The following FHIT variants were observed in gnomAD, a reference collection of about 807,000 sequenced individuals.
The protein encoded by FHIT is bis(5'-adenosyl)-triphosphatase.
In FHIT, 19 loss-of-function variants were observed where a neutral mutation model predicts 17.9. The observed-to-expected ratio is 1.06, with a 90% CI of 0.74 to 1.56. The LOEUF (loss-of-function observed/expected upper bound fraction) is 1.56. Among genes scored for constraint, FHIT ranks in the 40% most tolerant of loss-of-function variants. The pLI is 0.00. For synonymous variants in FHIT, 81 were observed against 69.7 expected (o/e 1.16, Z -0.81); for missense variants, 248 against 189.2 (o/e 1.31, Z -1.82).
chr3:60,452,806 G>C (rs1477498456), intron 5 of FHIT, among the ~76,000 whole-genome samples: 1 of 151,932 alleles, frequency 6.6e-6, no homozygotes, highest in Non-Finnish European at 1.5e-5. Context: ...ATTTTTCCAG[G>C]TTATATTACT....
At chr3:60,287,944 C>A (rs890941046) in intron 5 of FHIT, among the ~76,000 whole-genome samples, 1 of 151,452 alleles carries the variant, frequency 6.6e-6, no homozygotes, top group African/African-American at 2.4e-5. Context: ...GGGCTTCAAA[C>A]CACCATAAAT....
At chr3:60,691,125 G>C (rs1199474068) in intron 4 of FHIT, among the ~76,000 whole-genome samples, 10 of 148,776 alleles carry the variant, frequency 6.7e-5, no homozygotes, top group Non-Finnish European at 1.5e-4. Flanking sequence ...TTGTTTTTTG[G>C]TATCGGGTTT....
chr3:60,597,644 C>T (rs571178024), intron 4 of FHIT, among the ~76,000 whole-genome samples: 1 of 152,230 alleles, frequency 6.6e-6, no homozygotes, highest in African/African-American at 2.4e-5. Context: ...AAGGAAATGT[C>T]AGGGAATTAA....
chr3:60,399,647 G>C (rs1234703461), intron 5 of FHIT, among the ~76,000 whole-genome samples: 1 of 152,052 alleles, frequency 6.6e-6, no homozygotes, highest in Non-Finnish European at 1.5e-5. Context: ...CTTTTTCTAG[G>C]AAAATGATTA....
rs1212139977 is a variant in FHIT, at chr3:59,930,890, C to T, written c.280-8476G>A. On this transcript the variant is annotated intron_variant, in intron 7 of 9. Transcript: ENST00000492590. ...TTTCTACCTCATCTTGCCCAACCTA[C>T]CTTTCCCAGATCTCAGAAAGGTAGA... Among the ~76,000 whole-genome samples the T allele has an allele frequency of 2.0e-5, 3 of 152,118 alleles. No homozygotes were observed. The South Asian group carries it at 6.2e-4, about 32-fold the overall frequency.
intron 4 of FHIT, among the ~76,000 whole-genome samples, chr3:60,767,469 T>C (rs547700764): frequency 6.6e-6 from 1 of 152,312 alleles, no homozygotes; most frequent in African/African-American, 2.4e-5. Context: ...ATTTGTTAAT[T>C]TGTCTGCTAC....
At chr3:60,296,692 T>C (rs1359317503) in intron 5 of FHIT, among the ~76,000 whole-genome samples, 1 of 152,080 alleles carries the variant, frequency 6.6e-6, no homozygotes, top group African/African-American at 2.4e-5. Flanking sequence ...TTATGGCTCA[T>C]GCATTTGATG....
chr3:60,288,047 C>T (rs1159402474), intron 5 of FHIT, among the ~76,000 whole-genome samples: 2 of 152,142 alleles, frequency 1.3e-5, no homozygotes, highest in African/African-American at 2.4e-5. Context: ...ACTGGAGTCA[C>T]AACACCCACC....
intron 5 of FHIT, among the ~76,000 whole-genome samples, chr3:60,426,163 T>C (rs971576877): frequency 1.3e-5 from 2 of 152,160 alleles, no homozygotes; most frequent in African/African-American, 2.4e-5. Flanking sequence ...GGACTAGTTA[T>C]GAGTCTTTCA....
chr3:59,955,744 C>G (rs986956083), intron 7 of FHIT, among the ~76,000 whole-genome samples: 2 of 152,176 alleles, frequency 1.3e-5, no homozygotes, highest in Admixed American at 1.3e-4. Context: ...CTCCTCTCCC[C>G]CTCTCCCAAC....
intron 5 of FHIT, among the ~76,000 whole-genome samples, chr3:60,524,117 C>T (rs1294814597): frequency 1.3e-5 from 2 of 152,028 alleles, no homozygotes; most frequent in Non-Finnish European, 2.9e-5. Context: ...CCTGGCCCTG[C>T]CCAGGCAGAG....
intron 5 of FHIT, among the ~76,000 whole-genome samples, chr3:60,431,251 T>C (rs780365737): frequency 1.4e-4 from 22 of 152,052 alleles, no homozygotes; most frequent in Non-Finnish European, 2.1e-4. Flanking sequence ...AACTTCATTC[T>C]ATCCCTTACA....
At chr3:59,812,423 C>T (rs1490440667) in intron 8 of FHIT, among the ~76,000 whole-genome samples, 2 of 152,184 alleles carry the variant, frequency 1.3e-5, no homozygotes, top group East Asian at 1.9e-4. Context: ...CTCAGGGTAA[C>T]GGCAGCTGCC....
intron 8 of FHIT, among the ~76,000 whole-genome samples, chr3:59,778,482 A>G (rs1278939001): frequency 6.6e-6 from 1 of 152,218 alleles, no homozygotes; most frequent in Non-Finnish European, 1.5e-5. Context: ...AGCAGGGGTA[A>G]GCAAATGTTT....
At chr3:60,240,297 A>T (rs924351140) in intron 5 of FHIT, among the ~76,000 whole-genome samples, 3 of 152,160 alleles carry the variant, frequency 2.0e-5, no homozygotes, top group African/African-American at 7.2e-5. Flanking sequence ...TCAAATTTAT[A>T]TTTCTGTTCC....
intron 8 of FHIT, among the ~76,000 whole-genome samples, chr3:59,887,479 G>A (rs1703676514): frequency 6.6e-6 from 1 of 152,162 alleles, no homozygotes. Flanking sequence ...CAGTCAGAGA[G>A]CCAAGAAAAA....
At position 60,085,616 on chromosome 3, in the gene FHIT, C is replaced by T. The variant is rs187061886; in HGVS notation, c.104-71464G>A. ...AGTTGAATGCCACTTGTTGTCATTTCAGAACCTCATATACAGTATTCTTTA... is the reference window on the plus strand; with the variant it reads ...AGTTGAATGCCACTTGTTGTCATTTTAGAACCTCATATACAGTATTCTTTA... On this transcript the variant is annotated intron_variant, in intron 5 of 9. Coordinates refer to ENST00000492590, the MANE Select transcript of FHIT (RefSeq NM_002012.4). Among the ~76,000 whole-genome samples, 362 of 152,302 alleles carry T rather than the reference C, an allele frequency of 2.4e-3. 5 individuals carry two copies. The highest frequency in any genetic ancestry group is 8.3e-3 in the African/African-American group (344 of 41,574).
intron 4 of FHIT, among the ~76,000 whole-genome samples, chr3:60,683,742 T>C (rs1043973532): frequency 2.6e-5 from 4 of 152,184 alleles, no homozygotes; most frequent in Non-Finnish European, 5.9e-5. Context: ...TATGGTTATT[T>C]TACTGTGTTT....
chr3:60,886,648 T>C (rs1705234648), intron 3 of FHIT, among the ~76,000 whole-genome samples: 1 of 152,120 alleles, frequency 6.6e-6, no homozygotes, highest in Non-Finnish European at 1.5e-5. Context: ...ATTCTAGAGA[T>C]TCCTGAAGAA....
Sources: allele counts gnomAD v4.1 joint callset (sites outside exome capture counted in the v4.1 genomes callset), GRCh38; gene constraint gnomAD v4.1.1; transcripts MANE v1.5; gene names NCBI Gene and HGNC (gene_info 2026-07-23, HGNC 2026-07-21).